PTBP2: variants seen among roughly 807,000 people sequenced by gnomAD.
PTBP2 encodes the protein polypyrimidine tract binding protein 2.
PTBP2 carries 13 observed loss-of-function variants against 61.4 expected under a neutral mutation model. The ratio of observed to expected loss-of-function variants is 0.21; its 90% CI spans 0.14 to 0.34. The LOEUF is 0.34. PTBP2 is among the 10% of genes least tolerant of loss of function. The pLI is 1.00. For missense variants in PTBP2, 405 were observed against 642.6 expected, an observed-to-expected ratio of 0.63 and a Z score of 4.00; for synonymous variants, 215 against 218.5, an observed-to-expected ratio of 0.98 and a Z score of 0.14.
chr1:96,799,906 G>C (rs191475775), intron 8 of PTBP2, among the ~76,000 whole-genome samples: 1 of 152,170 alleles, frequency 6.6e-6, no homozygotes, highest in Non-Finnish European at 1.5e-5. Context: ...TCAGACAAAA[G>C]TATATTGAGG....
intron 8 of PTBP2, among the ~76,000 whole-genome samples, chr1:96,797,700 A>G (rs754681938): frequency 2.0e-5 from 3 of 151,972 alleles, no homozygotes; most frequent in Non-Finnish European, 2.9e-5. Flanking sequence ...CCTATACACA[A>G]CCTCTTATGT....
chr1:96,783,849 G>A (rs948992587), intron 7 of PTBP2, among the ~76,000 whole-genome samples: 1 of 151,974 alleles, frequency 6.6e-6, no homozygotes, highest in Non-Finnish European at 1.5e-5. Flanking sequence ...GTGATGATAG[G>A]TACCTTGCCT....
intron 5 of PTBP2, among the ~76,000 whole-genome samples, chr1:96,773,153 A>C (rs1657596066): frequency 6.7e-6 from 1 of 149,554 alleles, no homozygotes; most frequent in Non-Finnish European, 1.5e-5. Context: ...AAAAGAGTAA[A>C]GCTGAGGCCT....
intron 8 of PTBP2, among the ~76,000 whole-genome samples, chr1:96,789,582 C>T (rs1479484995): frequency 6.6e-6 from 1 of 152,018 alleles, no homozygotes; most frequent in Non-Finnish European, 1.5e-5. Flanking sequence ...AGCTGTTAAA[C>T]TGAATTTATA....
intron 8 of PTBP2, among the ~76,000 whole-genome samples, chr1:96,794,044 A>G (rs1660121221): frequency 6.6e-6 from 1 of 152,214 alleles, no homozygotes. Context: ...AACTTTTCAC[A>G]TAGTCTTGCT....
chr1:96,746,805 C>T (rs890399169), intron 2 of PTBP2, among the ~76,000 whole-genome samples: 1 of 148,530 alleles, frequency 6.7e-6, no homozygotes, highest in African/African-American at 2.5e-5. Flanking sequence ...CTTGTCACTT[C>T]TTTATGCTGT....
intron 2 of PTBP2, among the ~76,000 whole-genome samples, chr1:96,743,148 G>C (rs947379060): frequency 6.6e-6 from 1 of 152,028 alleles, no homozygotes; most frequent in Non-Finnish European, 1.5e-5. Flanking sequence ...TTAGCCAGGC[G>C]TGGTGGGGGG....
chr1:96,766,484 A>G (rs1178504459), intron 3 of PTBP2, among the ~76,000 whole-genome samples: 4 of 152,144 alleles, frequency 2.6e-5, no homozygotes, highest in African/African-American at 9.7e-5. Context: ...GATCATGGGA[A>G]GATGCTGAAG....
chr1:96,731,088 G>T (rs1198709364), intron 2 of PTBP2, among the ~76,000 whole-genome samples: 2 of 152,168 alleles, frequency 1.3e-5, no homozygotes, highest in Admixed American at 1.3e-4. Context: ...GAGGATACTC[G>T]TGTGGCTGCA....
intron 3 of PTBP2, among the ~76,000 whole-genome samples, chr1:96,767,890 C>T (rs1347373898): frequency 6.6e-6 from 1 of 152,046 alleles, no homozygotes; most frequent in African/African-American, 2.4e-5. Flanking sequence ...AGCTACCCAG[C>T]CAAGATTTTC....
At chr1:96,738,413 G>A (rs1326398242) in intron 2 of PTBP2, among the ~76,000 whole-genome samples, 5 of 151,872 alleles carry the variant, frequency 3.3e-5, no homozygotes, top group Non-Finnish European at 7.4e-5. Context: ...AGCTGGGACT[G>A]CAGGTGCCTG....
At chr1:96,817,574 T>C (rs894813844), downstream of PTBP2, 1 of 152,110 alleles carries the variant, frequency 6.6e-6, no homozygotes, top group South Asian at 2.1e-4. Flanking sequence ...AAAACCGTAA[T>C]GAACACCTAT....
chr1:96,724,160 G>A (rs945149045), intron 2 of PTBP2, among the ~76,000 whole-genome samples: 1 of 152,170 alleles, frequency 6.6e-6, no homozygotes, highest in African/African-American at 2.4e-5. Context: ...TTTTGGCTAA[G>A]AAAACTACTC....
chr1:96,741,358 T>C (rs1016916127), intron 2 of PTBP2, among the ~76,000 whole-genome samples: 1 of 152,116 alleles, frequency 6.6e-6, no homozygotes, highest in Non-Finnish European at 1.5e-5. Context: ...CATCCCAGGC[T>C]CTAGCAATTC....
chr1:96,821,583 A>C (rs1189557707), exon 14 of PTBP2: 1 of 152,078 alleles, frequency 6.6e-6, no homozygotes, highest in Non-Finnish European at 1.5e-5. Context: ...AGCTCCTAGA[A>C]ATATGGATTA....
At chr1:96,798,782 CT>C (rs1486940014) in intron 8 of PTBP2, among the ~76,000 whole-genome samples, 1 of 152,138 alleles carries the variant, frequency 6.6e-6, no homozygotes. Context: ...TAATACCATA[CT>C]AATGTATGAT....
chr1:96,808,154 ATAGT>A (rs1053512646), intron 11 of PTBP2, among the ~76,000 whole-genome samples: 4 of 152,150 alleles, frequency 2.6e-5, no homozygotes, highest in African/African-American at 9.6e-5. Context: ...GATCTTCCAG[ATAGT>A]TTTTGTTTTA....
intron 2 of PTBP2, among the ~76,000 whole-genome samples, chr1:96,739,329 A>G (rs1570735920): frequency 6.6e-6 from 1 of 152,208 alleles, no homozygotes. Flanking sequence ...AAAATTTACT[A>G]TCTTAACCAT....
At chr1:96,754,546 AAG>A (rs1456199150) in intron 3 of PTBP2, among the ~76,000 whole-genome samples, 2 of 152,176 alleles carry the variant, frequency 1.3e-5, no homozygotes, top group Non-Finnish European at 2.9e-5. Context: ...AAAAGATAAA[AAG>A]AAGTATAACG....
Sources: gnomAD v4.1 joint callset for allele counts (sites outside exome capture counted in the v4.1 genomes callset) on GRCh38, gnomAD v4.1.1 for gene constraint, MANE v1.5 for transcripts, NCBI Gene and HGNC (gene_info 2026-07-23, HGNC 2026-07-21) for gene names.